The following EYS variants were observed in gnomAD, a reference collection of about 807,000 sequenced individuals.
EYS encodes EGF-like photoreceptor maintenance factor, also known as protein eyes shut homolog.
Under a neutral mutation model 282.1 loss-of-function variants are expected in EYS, and 250 were observed. The observed-to-expected ratio is 0.89, with a 90% CI of 0.80 to 0.98. The LOEUF is 0.98. Among genes scored for constraint, EYS ranks in the 50% least tolerant of loss-of-function variants. EYS has a pLI of 0.00. For missense variants in EYS, 4,016 were observed against 3,709.0 expected, an observed-to-expected ratio of 1.08 and a Z score of -2.15; for synonymous variants, 1,355 against 1,282.9, an observed-to-expected ratio of 1.06 and a Z score of -1.20.
intron 22 of EYS, among the ~76,000 whole-genome samples, chr6:64,690,536 T>C (rs1770340668): frequency 6.6e-6 from 1 of 152,210 alleles, no homozygotes. Context: ...TGCGCTTGTT[T>C]ATTGCGGCAC....
chr6:65,428,979 T>C (rs1160958207), intron 5 of EYS, among the ~76,000 whole-genome samples: 1 of 151,774 alleles, frequency 6.6e-6, no homozygotes, highest in Admixed American at 6.6e-5. Flanking sequence ...GGTCGGGAGT[T>C]CGAGACCAGC....
chr6:64,105,622 A>T (rs995320271), intron 31 of EYS, among the ~76,000 whole-genome samples: 2 of 152,026 alleles, frequency 1.3e-5, no homozygotes, highest in Non-Finnish European at 2.9e-5. Context: ...CCTGGCAACC[A>T]CTAATCTTTT....
At chr6:64,283,108 C>A (rs1768367751) in intron 30 of EYS, among the ~76,000 whole-genome samples, 1 of 152,134 alleles carries the variant, frequency 6.6e-6, no homozygotes, top group Non-Finnish European at 1.5e-5. Flanking sequence ...GATAGTGTTA[C>A]AGGAATATAC....
chr6:64,554,117 T>C (rs1765171562), intron 26 of EYS, among the ~76,000 whole-genome samples: 1 of 152,144 alleles, frequency 6.6e-6, no homozygotes, highest in Admixed American at 6.5e-5. Context: ...TTATCATATA[T>C]TGAAAGGTGC....
At chr6:65,549,790 T>C (rs1320795595) in intron 2 of EYS, among the ~76,000 whole-genome samples, 1 of 152,214 alleles carries the variant, frequency 6.6e-6, no homozygotes, top group Non-Finnish European at 1.5e-5. Context: ...TCTGACAGCT[T>C]CTCCCAGTCA....
chr6:64,569,844 A>C (rs1308001706), intron 26 of EYS, among the ~76,000 whole-genome samples: 1 of 152,170 alleles, frequency 6.6e-6, no homozygotes, highest in Non-Finnish European at 1.5e-5. Flanking sequence ...AGTGAGGGGG[A>C]GAATGGAACC....
intron 30 of EYS, among the ~76,000 whole-genome samples, chr6:64,270,046 T>C (rs1273258965): frequency 6.6e-6 from 1 of 152,126 alleles, no homozygotes; most frequent in African/African-American, 2.4e-5. Flanking sequence ...ATTCTATTTA[T>C]GTAGTTGGTT....
At chr6:63,724,499 G>A (rs974117940) in intron 42 of EYS, among the ~76,000 whole-genome samples, 4 of 152,082 alleles carry the variant, frequency 2.6e-5, no homozygotes, top group African/African-American at 9.7e-5. Context: ...TACACGTTGG[G>A]AGGATTATAA....
intron 15 of EYS, among the ~76,000 whole-genome samples, chr6:64,924,879 G>A (rs1768464464): frequency 6.6e-6 from 1 of 152,106 alleles, no homozygotes; most frequent in South Asian, 2.1e-4. Context: ...AAGACTCTAG[G>A]AAGTTCAAAA....
At chr6:64,636,682 C>T (rs1325005568) in intron 22 of EYS, among the ~76,000 whole-genome samples, 1 of 152,112 alleles carries the variant, frequency 6.6e-6, no homozygotes, top group Non-Finnish European at 1.5e-5. Context: ...AATTTTGCAA[C>T]CTACTCATCT....
At chr6:64,641,747 A>G (rs2149871325) in intron 22 of EYS, among the ~76,000 whole-genome samples, 1 of 152,244 alleles carries the variant, frequency 6.6e-6, no homozygotes, top group African/African-American at 2.4e-5. Flanking sequence ...GCGGTGGGTA[A>G]GGGAGCGTTA....
intron 19 of EYS, among the ~76,000 whole-genome samples, chr6:64,866,180 G>C (rs1766420073): frequency 6.6e-6 from 1 of 151,748 alleles, no homozygotes; most frequent in South Asian, 2.1e-4. Context: ...CAATCTGTCT[G>C]GAGAGATGAT....
intron 7 of EYS, among the ~76,000 whole-genome samples, chr6:65,386,130 G>A (rs996628989): frequency 4.0e-5 from 6 of 151,358 alleles, no homozygotes; most frequent in South Asian, 2.1e-4. Context: ...TGAACACTGG[G>A]CAGCAGCAAC....
chr6:65,547,881 C>T (rs2127328479), intron 2 of EYS, among the ~76,000 whole-genome samples: 1 of 152,278 alleles, frequency 6.6e-6, no homozygotes, highest in East Asian at 1.9e-4. Flanking sequence ...GCTTCTGAAA[C>T]ACTCTTCCCA....
chr6:64,636,403 C>T (rs976354772), intron 22 of EYS, among the ~76,000 whole-genome samples: 1 of 152,168 alleles, frequency 6.6e-6, no homozygotes, highest in Non-Finnish European at 1.5e-5. Context: ...AAAGCTGAAA[C>T]TGGATCCCGT....
Position 64,067,705 on chromosome 6 carries a change from A to G in EYS, c.6572-1214T>C, listed in dbSNP as rs1405652013. 2.6e-5 allele frequency among the ~76,000 whole-genome samples: 4 copies of G among 152,154 alleles called. No homozygotes were observed. The East Asian group carries it at 7.7e-4, about 29-fold the overall frequency. ...GCATGATGTACAGGAAAAAATCATA[A>G]TACTGATAGGGTTCAGTACTATCCA... On this transcript the variant is annotated intron_variant, in intron 32 of 42. Transcript: ENST00000503581.
intron 22 of EYS, among the ~76,000 whole-genome samples, chr6:64,736,193 G>T (rs1294274724): frequency 6.6e-6 from 1 of 151,964 alleles, no homozygotes; most frequent in African/African-American, 2.4e-5. Context: ...CACTGGATTT[G>T]AATTTATTCT....
intron 14 of EYS, among the ~76,000 whole-genome samples, chr6:64,991,847 TCATC>T (rs531816137): frequency 6.6e-5 from 10 of 151,884 alleles, no homozygotes; most frequent in African/African-American, 2.4e-4. Context: ...ATTTTTCAGA[TCATC>T]CATTATTTCC....
intron 11 of EYS, chr6:65,331,691 A>G: frequency 1.0e-6 from 1 of 979,418 alleles, no homozygotes; most frequent in Non-Finnish European, 1.2e-6. Flanking sequence ...TAATTTTCTT[A>G]GTAAATAAAA....
Sources: gnomAD v4.1 joint callset for allele counts (sites outside exome capture counted in the v4.1 genomes callset) on GRCh38, gnomAD v4.1.1 for gene constraint, MANE v1.5 for transcripts, NCBI Gene and HGNC (gene_info 2026-07-23, HGNC 2026-07-21) for gene names.